Variants in AMPD3 observed in about 807,000 individuals in gnomAD.
AMPD3 encodes the protein adenosine monophosphate deaminase 3, also known as AMP deaminase 3.
AMPD3 carries 57 observed loss-of-function variants against 82.3 expected under a neutral mutation model. The ratio of observed to expected loss-of-function variants is 0.69; its 90% CI spans 0.56 to 0.86. The LOEUF is 0.86. Ranked by LOEUF, AMPD3 falls within the 40% of genes least tolerant of loss-of-function variation. AMPD3 has a pLI of 0.00. For missense variants in AMPD3, 870 were observed against 1,003.8 expected (o/e 0.87, Z 1.80); for synonymous variants, 381 against 394.7 (o/e 0.97, Z 0.41).
intron 10 of AMPD3, 50 bp from the exon 11 acceptor site, chr11:10,500,036 C>G: frequency 6.2e-7 from 1 of 1,612,300 alleles, no homozygotes; most frequent in Non-Finnish European, 8.5e-7. Context: ...TGAACCGAGG[C>G]TGAGTCCTGG....
chr11:10,462,571 C>T (rs1469656058), intron 2 of AMPD3, among the ~76,000 whole-genome samples: 1 of 152,166 alleles, frequency 6.6e-6, no homozygotes, highest in Non-Finnish European at 1.5e-5. Flanking sequence ...CTTCCAGGTT[C>T]TCCCAGTGGC....
chr11:10,455,065 T>C, upstream of AMPD3: 3 of 782,434 alleles, frequency 3.8e-6, no homozygotes, highest in Non-Finnish European at 3.1e-6. Flanking sequence ...ACCTCACGAT[T>C]GGACATGCGG....
chr11:10,485,498 G>A (rs959041210), intron 5 of AMPD3, among the ~76,000 whole-genome samples: 3 of 152,100 alleles, frequency 2.0e-5, no homozygotes, highest in African/African-American at 7.2e-5. Context: ...ACCCAACTCA[G>A]CCTCCCAAAG....
At chr11:10,466,633 C>T (rs1236975218) in intron 2 of AMPD3, among the ~76,000 whole-genome samples, 1 of 152,210 alleles carries the variant, frequency 6.6e-6, no homozygotes, top group Non-Finnish European at 1.5e-5. Context: ...ACATAAATGT[C>T]CCTGCCTGAC....
At chr11:10,494,846 C>T (rs905214919) in intron 7 of AMPD3, 53 bp from the exon 8 acceptor site, 71 of 1,586,102 alleles carry the variant, frequency 4.5e-5, no homozygotes, top group Admixed American at 8.3e-5. Flanking sequence ...GAGAGGGGAA[C>T]GTGCATGGTG....
chr11:10,500,147 A>T lies in AMPD3; in HGVS notation c.1619A>T (p.Lys540Met). The change falls in exon 11 of 15, where the codon AAG (lysine) becomes ATG (methionine). Residue 540 changes from lysine to methionine, a missense_variant. Transcript: ENST00000396553. Reference sequence around the variant, plus strand: ...CACAGCGACCACATGTTTTCCGACAAGAGCCCAAACCCGGACGTCTGGACC... The same window carrying T: ...CACAGCGACCACATGTTTTCCGACATGAGCCCAAACCCGGACGTCTGGACC... ...SKHSDHMFSD[K>M]SPNPDVWTSE... The T allele has an allele frequency of 6.2e-7, 1 of 1,614,216 alleles. No homozygotes were observed. The highest frequency in any genetic ancestry group is 8.5e-7 in the Non-Finnish European group (1 of 1,180,036).
intron 10 of AMPD3, chr11:10,497,771 G>A (rs920588749): frequency 4.1e-6 from 4 of 985,258 alleles, no homozygotes; most frequent in African/African-American, 1.7e-5. Flanking sequence ...GAGACAGGAG[G>A]GGAGCTTGAC....
chr11:10,473,722 C>A, intron 2 of AMPD3: 1 of 553,726 alleles, frequency 1.8e-6, no homozygotes. Flanking sequence ...GACCTCTGGT[C>A]TCAAGTACAG....
intron 3 of AMPD3, among the ~76,000 whole-genome samples, chr11:10,479,695 T>G (rs1443552040): frequency 1.3e-5 from 2 of 152,260 alleles, no homozygotes; most frequent in African/African-American, 4.8e-5. Flanking sequence ...TTTATTTACT[T>G]ATTTTTACAA....
At chr11:10,451,626 C>T (rs1244219644), upstream of AMPD3, among the ~76,000 whole-genome samples, 2 of 152,184 alleles carry the variant, frequency 1.3e-5, no homozygotes, top group African/African-American at 4.8e-5. Flanking sequence ...TTTGAGAGGC[C>T]TTGGAGTAGG....
intron 2 of AMPD3, among the ~76,000 whole-genome samples, chr11:10,466,947 G>A (rs1483627420): frequency 6.6e-6 from 1 of 152,230 alleles, no homozygotes; most frequent in Admixed American, 6.5e-5. Context: ...GGGTCTGATT[G>A]TTAGGAGGAA....
At chr11:10,504,798 C>T (rs886447991) in intron 14 of AMPD3, 139 bp downstream of exon 14, 54 of 826,150 alleles carry the variant, frequency 6.5e-5, no homozygotes, top group Admixed American at 4.6e-4. Flanking sequence ...GGAGAGAAGA[C>T]GCGGCAGCCT....
At chr11:10,493,211 TG>T in intron 6 of AMPD3, 137 bp from the exon 7 acceptor site, 1 of 952,596 alleles carries the variant, frequency 1.0e-6, no homozygotes, top group African/African-American at 1.6e-5. Flanking sequence ...AAATGGGGGG[TG>T]GGATCCAGAC....
chr11:10,485,754 C>T (rs1849049211), intron 5 of AMPD3, among the ~76,000 whole-genome samples: 1 of 137,456 alleles, frequency 7.3e-6, no homozygotes, highest in Non-Finnish European at 1.7e-5. Flanking sequence ...ATGCAGGGAG[C>T]CTGGGGAACT....
At chr11:10,499,055 C>T (rs1294990017) in intron 10 of AMPD3, among the ~76,000 whole-genome samples, 1 of 152,126 alleles carries the variant, frequency 6.6e-6, no homozygotes, top group African/African-American at 2.4e-5. Flanking sequence ...GATTGGAGAG[C>T]AGAGCTGCCT....
rs936183111 is a variant in AMPD3, at chr11:10,456,826, C to T, written c.-6+1378C>T. Among the ~76,000 whole-genome samples, 6 of 152,248 alleles carry T rather than the reference C, an allele frequency of 3.9e-5. No homozygotes were observed. Among genetic ancestry groups the T allele is most frequent in the South Asian group, 2.1e-4 (1 of 4,818 alleles). ...TGAGAGGAGAGACACTCTGGAGGGA[C>T]GGGTTGGCAGGTGGGAGCTGTCTGC... On this transcript the variant is annotated intron_variant, in intron 1 of 14. Transcript: ENST00000396553. The surrounding 1 kb of genome is among the most constrained non-coding windows in gnomAD (Gnocchi z 4.3).
intron 11 of AMPD3, chr11:10,501,195 A>C: frequency 2.0e-6 from 2 of 985,344 alleles, no homozygotes; most frequent in Non-Finnish European, 2.4e-6. Context: ...CAAGGCCAGG[A>C]GAGGAATTCA....
chr11:10,485,270 A>G (rs1205277811), intron 5 of AMPD3, among the ~76,000 whole-genome samples: 2 of 152,004 alleles, frequency 1.3e-5, no homozygotes, highest in Non-Finnish European at 2.9e-5. Flanking sequence ...TTTTTGAGGC[A>G]CCATCTTGCT....
intron 9 of AMPD3, chr11:10,496,438 C>T: frequency 2.0e-6 from 2 of 985,290 alleles, no homozygotes; most frequent in Non-Finnish European, 2.4e-6. Context: ...GCCCATGGCT[C>T]CAGGATGGGC....
Sources: gnomAD v4.1 joint callset for allele counts (sites outside exome capture counted in the v4.1 genomes callset) on GRCh38, gnomAD v4.1.1 for gene constraint, Gnocchi (gnomAD v3.1) non-coding constraint, MANE v1.5 for transcripts, NCBI Gene and HGNC (gene_info 2026-07-23, HGNC 2026-07-21) for gene names.